The following BTBD9 variants were observed in gnomAD, a reference collection of about 807,000 sequenced individuals.
The protein encoded by BTBD9 is BTB/POZ domain-containing protein 9.
A neutral mutation model predicts 64.3 loss-of-function variants in BTBD9; 49 were observed. The ratio of observed to expected loss-of-function variants is 0.76; its 90% CI spans 0.61 to 0.97. The LOEUF (loss-of-function observed/expected upper bound fraction) is 0.97, where lower values mean the gene tolerates loss of function less well. BTBD9 is among the 50% of genes least tolerant of loss of function. The probability of loss-of-function intolerance (pLI) is 0.00; values close to 1 mark genes in which losing one functional copy is unlikely to be tolerated. For missense variants in BTBD9, 598 were observed against 762.1 expected, an observed-to-expected ratio of 0.78 and a Z score of 2.53; for synonymous variants, 260 against 274.7, an observed-to-expected ratio of 0.95 and a Z score of 0.53.
At chr6:38,635,231 G>A (rs1778490727) in intron 1 of BTBD9, among the ~76,000 whole-genome samples, 1 of 152,072 alleles carries the variant, frequency 6.6e-6, no homozygotes, top group Non-Finnish European at 1.5e-5. Flanking sequence ...CACCTCCTGG[G>A]TTCAAGCGAT....
intron 8 of BTBD9, among the ~76,000 whole-genome samples, chr6:38,280,110 T>C (rs1416506526): frequency 6.6e-6 from 1 of 152,138 alleles, no homozygotes; most frequent in Non-Finnish European, 1.5e-5. Context: ...GCCATAGCAA[T>C]ACTGTCTGGT....
intron 6 of BTBD9, among the ~76,000 whole-genome samples, chr6:38,465,725 A>ATATG (rs1290686744): frequency 3.9e-5 from 2 of 51,482 alleles, no homozygotes; most frequent in African/African-American, 1.5e-4. Flanking sequence ...ATATATATAT[A>ATATG]TATATATATA....
intron 6 of BTBD9, among the ~76,000 whole-genome samples, chr6:38,507,956 C>G (rs1361289499): frequency 6.6e-6 from 1 of 151,804 alleles, no homozygotes; most frequent in Non-Finnish European, 1.5e-5. Flanking sequence ...ACCTCAGCCT[C>G]CCGAGTAGCT....
intron 6 of BTBD9, among the ~76,000 whole-genome samples, chr6:38,431,285 G>A (rs1768429269): frequency 6.6e-6 from 1 of 150,670 alleles, no homozygotes; most frequent in Non-Finnish European, 1.5e-5. Flanking sequence ...ATGGGTAATA[G>A]TAATAATATT....
chr6:38,192,461 A>G, intron 10 of BTBD9, 58 bp downstream of exon 10: 1 of 1,473,566 alleles, frequency 6.8e-7, no homozygotes, highest in East Asian at 2.3e-5. Flanking sequence ...CTCAGGATGT[A>G]GCATTTACCT....
chr6:38,281,220 G>T (rs765787163), intron 8 of BTBD9, among the ~76,000 whole-genome samples: 1 of 152,084 alleles, frequency 6.6e-6, no homozygotes, highest in Non-Finnish European at 1.5e-5. Context: ...GGAAGTGCAT[G>T]AGCAACAGTT....
rs1386667533 is a variant in BTBD9 at position 38,587,788 on chromosome 6, TC to T, written c.814+4787del. On this transcript the variant is annotated intron_variant, in intron 4 of 10. Coordinates refer to ENST00000481247, the MANE Select transcript of BTBD9 (RefSeq NM_001099272.2). ...AGAAAAGCCTGCTTCTTCGGATTCT[TC>T]TGGAAAACAGTCTACTCAGGTTATG... The T allele has an allele frequency of 3.2e-5, 23 of 712,044 alleles. No homozygotes were observed. In the East Asian group the frequency reaches 6.2e-4, roughly 19 times the overall value. The allele number at this position is 712,044 out of a possible 1,614,324, so 44.1% of individuals were successfully genotyped here. A position where few individuals can be genotyped will look rare whatever the true frequency, so the allele number is the denominator to read the frequency against.
rs141731786 is a variant in BTBD9, at chr6:38,500,901, T to C, written c.1154+76699A>G. On this transcript the variant is annotated intron_variant, in intron 6 of 10. Transcript: ENST00000481247. ...CAGGTACAGAGGCCAAGCACAGATATATCTGCAAAGGTTCTGCAGATCTCC... is the reference window on the plus strand; with the variant it reads ...CAGGTACAGAGGCCAAGCACAGATACATCTGCAAAGGTTCTGCAGATCTCC... Among the ~76,000 whole-genome samples, 497 of 152,296 alleles carry C rather than the reference T, an allele frequency of 3.3e-3. 2 individuals are homozygous for C. Among genetic ancestry groups the C allele is most frequent in the African/African-American group, 0.011 (476 of 41,568 alleles).
chr6:38,371,890 G>C (rs1424870021), intron 6 of BTBD9, among the ~76,000 whole-genome samples: 1 of 152,076 alleles, frequency 6.6e-6, no homozygotes, highest in Non-Finnish European at 1.5e-5. Context: ...ACCTTTTATG[G>C]CCTCGGTGTC....
intron 8 of BTBD9, among the ~76,000 whole-genome samples, chr6:38,273,990 A>C (rs1258658633): frequency 6.6e-6 from 1 of 152,218 alleles, no homozygotes; most frequent in Non-Finnish European, 1.5e-5. Flanking sequence ...GAGTGCTGCA[A>C]ACAGACTAAT....
At chr6:38,631,895 A>G (rs554364708) in intron 1 of BTBD9, among the ~76,000 whole-genome samples, 1 of 152,328 alleles carries the variant, frequency 6.6e-6, no homozygotes, top group Non-Finnish European at 1.5e-5. Context: ...TTGGGAGGCT[A>G]AGGCGGGCAG....
intron 6 of BTBD9, among the ~76,000 whole-genome samples, chr6:38,536,743 T>C (rs916735613): frequency 1.3e-5 from 2 of 152,136 alleles, no homozygotes; most frequent in Non-Finnish European, 2.9e-5. Flanking sequence ...TGTGCTCTCA[T>C]ATTTGTGAGG....
At chr6:38,190,043 C>T (rs1197596073) in intron 10 of BTBD9, among the ~76,000 whole-genome samples, 3 of 150,112 alleles carry the variant, frequency 2.0e-5, no homozygotes, top group Admixed American at 2.0e-4. Flanking sequence ...AACTCCTGGG[C>T]TCAAGCGAAC....
chr6:38,444,928 G>A (rs372291008), intron 6 of BTBD9, among the ~76,000 whole-genome samples: 95 of 152,244 alleles, frequency 6.2e-4, no homozygotes, highest in African/African-American at 2.0e-3. Flanking sequence ...CTGATATCTA[G>A]ATCCAGTTCT....
chr6:38,321,624 T>C (rs1763235689), intron 7 of BTBD9, among the ~76,000 whole-genome samples: 1 of 152,196 alleles, frequency 6.6e-6, no homozygotes, highest in Non-Finnish European at 1.5e-5. Context: ...ATGGTTTTCC[T>C]TGCCATAAGT....
intron 4 of BTBD9, among the ~76,000 whole-genome samples, chr6:38,591,961 G>A (rs1776812097): frequency 6.6e-6 from 1 of 152,102 alleles, no homozygotes; most frequent in Non-Finnish European, 1.5e-5. Context: ...AAGGCAGGTG[G>A]ATCACCTGAG....
At chr6:38,454,802 TAA>T (rs374754349) in intron 6 of BTBD9, among the ~76,000 whole-genome samples, 1 of 135,688 alleles carries the variant, frequency 7.4e-6, no homozygotes, top group African/African-American at 2.7e-5. Flanking sequence ...CTCTGTCTCT[TAA>T]AAAAAAAAAA....
chr6:38,240,867 C>T lies in BTBD9; in HGVS notation c.1562+15542G>A, dbSNP rs534855940. Among the ~76,000 whole-genome samples, 5 of 152,252 alleles carry T rather than the reference C, an allele frequency of 3.3e-5. No individual in the cohort carries two copies. The South Asian group carries it at 8.3e-4, about 25-fold the overall frequency. ...GCTTTCAATTAGCCTACCAGATCCA[C>T]GCTCAAACGGGCAGAGGCTGTGATA... On this transcript the variant is annotated intron_variant, in intron 9 of 10. Coordinates refer to ENST00000481247, the MANE Select transcript of BTBD9 (RefSeq NM_001099272.2).
At chr6:38,616,133 CT>C (rs1777781003) in intron 1 of BTBD9, among the ~76,000 whole-genome samples, 1 of 152,096 alleles carries the variant, frequency 6.6e-6, no homozygotes, top group Non-Finnish European at 1.5e-5. Flanking sequence ...GGGGTGGCCT[CT>C]AGGAACTGAA....
Sources: gnomAD v4.1 joint callset for allele counts (sites outside exome capture counted in the v4.1 genomes callset) on GRCh38, gnomAD v4.1.1 for gene constraint, MANE v1.5 for transcripts, NCBI Gene and HGNC (gene_info 2026-07-23, HGNC 2026-07-21) for gene names.